The following TTC7A variants were observed in gnomAD, a reference collection of about 807,000 sequenced individuals.
The protein encoded by TTC7A is tetratricopeptide repeat protein 7A.
A neutral mutation model predicts 103.7 loss-of-function variants in TTC7A; 110 were observed. The ratio of observed to expected loss-of-function variants is 1.06; its 90% CI spans 0.91 to 1.24. The LOEUF (loss-of-function observed/expected upper bound fraction) is 1.24. Among genes scored for constraint, TTC7A ranks in the 50% most tolerant of loss-of-function variants. The pLI is 0.00. For synonymous variants in TTC7A, 521 were observed against 467.9 expected (o/e 1.11, Z -1.47); for missense variants, 1,340 against 1,116.3 (o/e 1.20, Z -2.86).
rs114824855 is a variant in TTC7A at position 47,050,147 on chromosome 2, G to A, written c.2017+101G>A. 4,935 of 1,023,778 alleles carry A rather than the reference G, an allele frequency of 4.8e-3. 160 individuals carry two copies. In the African/African-American group the frequency reaches 0.068, roughly 14 times the overall value. The allele number at this position is 1,023,778 out of a possible 1,614,324, so 63.4% of individuals were successfully genotyped here. A position where few individuals can be genotyped will look rare whatever the true frequency, so the allele number is the denominator to read the frequency against. On this transcript the variant is annotated intron_variant, in intron 17 of 19. Coordinates refer to ENST00000319190, the MANE Select transcript of TTC7A (RefSeq NM_020458.4). ...AGAGGGGCCGGGCCCTCTCCCAGCCGGGCCAAGCCCACCACTGGCTCCTTG... is the reference window on the plus strand; with the variant it reads ...AGAGGGGCCGGGCCCTCTCCCAGCCAGGCCAAGCCCACCACTGGCTCCTTG...
intron 11 of TTC7A, among the ~76,000 whole-genome samples, chr2:47,012,716 C>T (rs560960516): frequency 2.6e-5 from 4 of 152,280 alleles, no homozygotes; most frequent in East Asian, 3.9e-4. Context: ...GCTGGGTCCC[C>T]GCCTCATCAT....
intron 15 of TTC7A, among the ~76,000 whole-genome samples, chr2:47,030,017 G>C (rs1680353741): frequency 7.2e-6 from 1 of 139,074 alleles, no homozygotes; most frequent in Non-Finnish European, 1.5e-5. Flanking sequence ...GTGTTGCTCT[G>C]TCAGGGGAGT....
intron 4 of TTC7A, among the ~76,000 whole-genome samples, chr2:46,975,436 C>A (rs535855306): frequency 6.6e-6 from 1 of 151,876 alleles, no homozygotes. Flanking sequence ...GACATCCTTC[C>A]CTGCTCTCGG....
intron 19 of TTC7A, among the ~76,000 whole-genome samples, chr2:47,070,316 C>T (rs1047617564): frequency 3.3e-5 from 5 of 152,256 alleles, no homozygotes; most frequent in Admixed American, 2.6e-4. Context: ...GACCTTAGGC[C>T]CCTTAGGTTC....
intron 2 of TTC7A, among the ~76,000 whole-genome samples, chr2:46,956,167 T>A (rs1413695598): frequency 6.6e-6 from 1 of 152,124 alleles, no homozygotes; most frequent in Non-Finnish European, 1.5e-5. Context: ...GGATGGAGAT[T>A]GAGATGTAAG....
intron 14 of TTC7A, among the ~76,000 whole-genome samples, chr2:47,027,540 A>G (rs1680045929): frequency 6.6e-6 from 1 of 152,250 alleles, no homozygotes; most frequent in South Asian, 2.1e-4. Context: ...GCATATGCCT[A>G]ATTTGCAGAT....
At chr2:47,022,638 A>G (rs1353788066) in intron 12 of TTC7A, among the ~76,000 whole-genome samples, 1 of 152,100 alleles carries the variant, frequency 6.6e-6, no homozygotes. Flanking sequence ...AATAGTAATC[A>G]GCCCATGCCC....
intron 11 of TTC7A, among the ~76,000 whole-genome samples, chr2:47,011,999 C>T (rs1572902499): frequency 1.3e-5 from 2 of 152,372 alleles, no homozygotes; most frequent in Middle Eastern, 6.8e-3. Flanking sequence ...CTGCTCTTTC[C>T]CCAGTTCGAG....
upstream of TTC7A, among the ~76,000 whole-genome samples, chr2:46,939,116 CAAAATAATAAATTA>C (rs1254483721): frequency 2.0e-5 from 3 of 151,440 alleles, no homozygotes; most frequent in Non-Finnish European, 4.4e-5. Context: ...TCTCTACAAA[CAAAATAATAAATTA>C]AAAATAATAG....
chr2:46,958,421 T>C (rs1379382955), intron 3 of TTC7A: 2 of 1,206,704 alleles, frequency 1.7e-6, no homozygotes, highest in African/African-American at 1.6e-5. Context: ...TCCTCGGGCT[T>C]CCTTTCCGGG....
At chr2:47,043,903 G>T (rs558492467) in intron 15 of TTC7A, among the ~76,000 whole-genome samples, 4 of 152,184 alleles carry the variant, frequency 2.6e-5, no homozygotes, top group Non-Finnish European at 5.9e-5. Context: ...GGTGTGGTCG[G>T]GTCTGCCCTA....
Position 47,073,916 on chromosome 2 carries a change from A to G in TTC7A, c.2570A>G (p.Glu857Gly). 6.2e-7 allele frequency: 1 copy of G among 1,609,952 alleles called. No individual in the cohort carries two copies. The highest frequency in any genetic ancestry group is 8.5e-7 in the Non-Finnish European group (1 of 1,177,992). The change falls in exon 20 of 20, where the codon GAG (glutamate) becomes GGG (glycine). Residue 857 changes from glutamate to glycine, a missense_variant. Coordinates refer to ENST00000319190, the MANE Select transcript of TTC7A (RefSeq NM_020458.4). ...CTGCCCTTCTCCATCATCCCCAGAG[A>G]GCTCTGACGACGCTGCAGCCGCAGG... ...PVLPFSIIPR[E>G]L is the part of the protein sequence containing the mutation.
At chr2:46,926,726 CAATT>C (rs1669403630) in intron 2 of TTC7A, among the ~76,000 whole-genome samples, 1 of 152,196 alleles carries the variant, frequency 6.6e-6, no homozygotes, top group Admixed American at 6.5e-5. Flanking sequence ...ATGTCCTACA[CAATT>C]AAAGACAACT....
At chr2:47,014,261 T>C (rs1678392860) in intron 11 of TTC7A, among the ~76,000 whole-genome samples, 1 of 152,142 alleles carries the variant, frequency 6.6e-6, no homozygotes, top group South Asian at 2.1e-4. Context: ...GTAGGTGCTA[T>C]ACTAGTAACT....
chr2:46,951,565 TTCTTTCTG>T (rs1298449941), intron 2 of TTC7A: 3 of 454,968 alleles, frequency 6.6e-6, no homozygotes, highest in Admixed American at 2.4e-5. Flanking sequence ...GTCTCTCTCT[TTCTTTCTG>T]TCTTTCTGTC....
At chr2:46,956,667 A>G (rs1004240187) in intron 2 of TTC7A, 172 bp from the exon 3 acceptor site, 3 of 660,820 alleles carry the variant, frequency 4.5e-6, no homozygotes, top group Admixed American at 2.6e-5. Flanking sequence ...GCTGCAGACC[A>G]TGGGTGAGAG....
chr2:46,939,394 C>T (rs1343830048), upstream of TTC7A, among the ~76,000 whole-genome samples: 2 of 152,102 alleles, frequency 1.3e-5, no homozygotes, highest in Non-Finnish European at 2.9e-5. Flanking sequence ...GGTTTTGTCC[C>T]TACTGGAAAA....
At chr2:46,999,241 T>C (rs1009245318) in intron 8 of TTC7A, among the ~76,000 whole-genome samples, 2 of 147,648 alleles carry the variant, frequency 1.4e-5, no homozygotes, top group African/African-American at 4.9e-5. Flanking sequence ...CCACCAACCA[T>C]GCATCCCCCT....
chr2:46,936,383 C>CT (rs1669980848), upstream of TTC7A, among the ~76,000 whole-genome samples: 1 of 152,134 alleles, frequency 6.6e-6, no homozygotes, highest in Admixed American at 6.5e-5. Context: ...CTGATCAAAA[C>CT]TTTATGAGAA....
Sources: gnomAD v4.1 joint callset for allele counts (sites outside exome capture counted in the v4.1 genomes callset) on GRCh38, gnomAD v4.1.1 for gene constraint, MANE v1.5 for transcripts, NCBI Gene and HGNC (gene_info 2026-07-23, HGNC 2026-07-21) for gene names.